SDK1: variants seen among roughly 807,000 people sequenced by gnomAD.
SDK1 encodes the protein sidekick cell adhesion molecule 1, also known as protein sidekick-1.
A neutral mutation model predicts 245.5 loss-of-function variants in SDK1; 157 were observed. The observed-to-expected ratio is 0.64, with a 90% confidence interval of 0.56 to 0.73. The LOEUF is 0.73. SDK1 is among the 30% of genes least tolerant of loss of function. SDK1 has a pLI of 0.00. For missense variants in SDK1, 3,583 were observed against 3,002.3 expected (o/e 1.19, Z -4.52); for synonymous variants, 1,647 against 1,278.5 (o/e 1.29, Z -6.15).
chr7:3,806,237 C>A (rs1779240301), intron 4 of SDK1, among the ~76,000 whole-genome samples: 1 of 152,244 alleles, frequency 6.6e-6, no homozygotes, highest in South Asian at 2.1e-4. Flanking sequence ...CTTAACCTCA[C>A]CATATCTGCA....
intron 35 of SDK1, among the ~76,000 whole-genome samples, chr7:4,187,296 T>G (rs1365611072): frequency 1.3e-5 from 2 of 152,224 alleles, no homozygotes; most frequent in African/African-American, 4.8e-5. Flanking sequence ...CACAAGACTA[T>G]GGGTCCAGCA....
In SDK1 at chr7:4,206,007, C is replaced by T. The variant is rs183702186; in HGVS notation, c.5214+13C>T. 3.2e-5 allele frequency: 48 copies of T among 1,497,944 alleles called. No individual in the cohort carries two copies. Among genetic ancestry groups the T allele is most frequent in the Admixed American group, 6.4e-5 (3 of 47,126 alleles). 92.8% of individuals were successfully genotyped at this position (1,497,944 alleles called of 1,614,324 possible). On this transcript the variant is annotated intron_variant, in intron 36 of 44. Transcript: ENST00000404826. ...CCAAGGCTACAAGGCAAGGCCCTCC[C>T]GTGCGGTTGCCTCCCCTGGCTCGCT...
chr7:3,500,707 C>T lies in SDK1; in HGVS notation c.299-118373C>T, dbSNP rs564612275. Among the ~76,000 whole-genome samples the T allele has an allele frequency of 9.2e-5, 14 of 152,236 alleles. No individual in the cohort carries two copies. In the East Asian group the frequency reaches 2.3e-3, roughly 25 times the overall value. ...ATTTCTTTTATTTCTAAGAAGGCTT[C>T]TAGAGTCATTTCATTAATGACTTCA... On this transcript the variant is annotated intron_variant, in intron 1 of 44. Transcript: ENST00000404826.
chr7:3,918,779 G>A (rs1289151707), intron 5 of SDK1, among the ~76,000 whole-genome samples: 1 of 152,056 alleles, frequency 6.6e-6, no homozygotes, highest in African/African-American at 2.4e-5. Context: ...AGGAAATGAC[G>A]CTGGACCGGC....
chr7:3,488,905 G>T (rs559998512), intron 1 of SDK1, among the ~76,000 whole-genome samples: 6 of 57,934 alleles, frequency 1.0e-4, no homozygotes. Context: ...TCCTCCCTCC[G>T]TGTGTGTGTG....
intron 14 of SDK1, among the ~76,000 whole-genome samples, chr7:3,991,058 C>A (rs1784270744): frequency 6.6e-6 from 1 of 152,238 alleles, no homozygotes; most frequent in South Asian, 2.1e-4. Context: ...AGGAGACAGT[C>A]AGAGGCATCG....
chr7:3,497,982 T>G (rs892470582), intron 1 of SDK1, among the ~76,000 whole-genome samples: 1 of 152,208 alleles, frequency 6.6e-6, no homozygotes, highest in African/African-American at 2.4e-5. Context: ...CGGAGACAGC[T>G]TTATGCAGTT....
At chr7:4,012,289 T>C in intron 16 of SDK1, 54 bp downstream of exon 16, 1 of 1,428,886 alleles carries the variant, frequency 7.0e-7, no homozygotes, top group Admixed American at 2.7e-5. Flanking sequence ...TGAGCGTCGA[T>C]TTCACAGAGG....
At chr7:3,352,661 GT>G (rs1301141949) in intron 1 of SDK1, among the ~76,000 whole-genome samples, 5 of 152,234 alleles carry the variant, frequency 3.3e-5, no homozygotes, top group African/African-American at 9.6e-5. Context: ...CAGATACACT[GT>G]TTGGGGTTTT....
chr7:4,225,036 C>G (rs966648690), intron 40 of SDK1, among the ~76,000 whole-genome samples: 10 of 122,116 alleles, frequency 8.2e-5, no homozygotes, highest in African/African-American at 2.9e-4. Flanking sequence ...CACTAGAAAA[C>G]TACAGAAGGG....
intron 4 of SDK1, among the ~76,000 whole-genome samples, chr7:3,704,056 C>T (rs758786721): frequency 1.3e-5 from 2 of 152,096 alleles, no homozygotes; most frequent in Admixed American, 1.3e-4. Context: ...CCTCCCCTTT[C>T]TGAGTTCCCA....
chr7:3,389,340 G>A (rs1005931870), intron 1 of SDK1, among the ~76,000 whole-genome samples: 1 of 152,134 alleles, frequency 6.6e-6, no homozygotes, highest in African/African-American at 2.4e-5. Flanking sequence ...CCTTATAAGA[G>A]AGAGGAAACA....
intron 5 of SDK1, among the ~76,000 whole-genome samples, chr7:3,914,589 A>G (rs1356697119): frequency 1.3e-5 from 2 of 152,166 alleles, no homozygotes; most frequent in East Asian, 1.9e-4. Flanking sequence ...GAAGCTAGGG[A>G]AGTTCAAAGG....
intron 4 of SDK1, among the ~76,000 whole-genome samples, chr7:3,691,282 A>G (rs1266481170): frequency 6.6e-6 from 1 of 152,234 alleles, no homozygotes; most frequent in Non-Finnish European, 1.5e-5. Flanking sequence ...AAAATGCCAT[A>G]GAATGAAAAT....
chr7:3,761,656 C>T (rs1780108290), intron 4 of SDK1, among the ~76,000 whole-genome samples: 1 of 151,464 alleles, frequency 6.6e-6, no homozygotes, highest in African/African-American at 2.4e-5. Flanking sequence ...ATCTAGGATG[C>T]TGGAGCGCAG....
chr7:3,569,741 C>T (rs771297953), intron 1 of SDK1, among the ~76,000 whole-genome samples: 2 of 152,198 alleles, frequency 1.3e-5, no homozygotes, highest in Non-Finnish European at 2.9e-5. Flanking sequence ...TTTTAAGGCT[C>T]ATCTTACTTT....
At chr7:3,605,141 AAG>A (rs1781379908) in intron 1 of SDK1, among the ~76,000 whole-genome samples, 3 of 69,758 alleles carry the variant, frequency 4.3e-5, no homozygotes, top group African/African-American at 1.9e-4. Flanking sequence ...AAAAAAAAAC[AAG>A]AAACACACAC....
At position 3,379,353 on chromosome 7, in the gene SDK1, A is replaced by G. The variant is rs530342682; in HGVS notation, c.298+77469A>G. ...GCCCTGCGCTGAGGGGGCATATGAA[A>G]AGGCTAACTTACTGGGAGAGGGGTT... On this transcript the variant is annotated intron_variant, in intron 1 of 44. Transcript: ENST00000404826. 3.2e-4 allele frequency among the ~76,000 whole-genome samples: 48 copies of G among 152,246 alleles called. 1 individual carries two copies. The South Asian group carries it at 7.9e-3, about 25-fold the overall frequency.
rs137893426 is a variant in SDK1, at chr7:3,941,648, A to C, written c.848-9275A>C. Among the ~76,000 whole-genome samples, 560 of 151,362 alleles carry C rather than the reference A, an allele frequency of 3.7e-3. 5 individuals are homozygous for C. The highest frequency in any genetic ancestry group is 0.013 in the African/African-American group (536 of 41,192). ...GAACTGACCTCAACGCCACACCCACACTCCACGGCCTGCCATCTCCCTTCT... is the reference window on the plus strand; with the variant it reads ...GAACTGACCTCAACGCCACACCCACCCTCCACGGCCTGCCATCTCCCTTCT... On this transcript the variant is annotated intron_variant, in intron 5 of 44. Coordinates refer to ENST00000404826, the MANE Select transcript of SDK1 (RefSeq NM_152744.4).
Sources: allele counts gnomAD v4.1 joint callset (sites outside exome capture counted in the v4.1 genomes callset), GRCh38; gene constraint gnomAD v4.1.1; transcripts MANE v1.5; gene names NCBI Gene and HGNC (gene_info 2026-07-23, HGNC 2026-07-21).